IL31RA: variants seen among roughly 807,000 people sequenced by gnomAD.
The protein encoded by IL31RA is interleukin 31 receptor A.
In IL31RA, 66 loss-of-function variants were observed where a neutral mutation model predicts 83.7. The ratio of observed to expected loss-of-function variants is 0.79; its 90% CI spans 0.65 to 0.97. The LOEUF (loss-of-function observed/expected upper bound fraction) is 0.97, where lower values mean the gene tolerates loss of function less well. Ranked by LOEUF, IL31RA falls within the 50% of genes least tolerant of loss-of-function variation. The pLI is 0.00. For synonymous variants in IL31RA, 325 were observed against 329.0 expected (o/e 0.99, Z 0.13); for missense variants, 798 against 919.4 (o/e 0.87, Z 1.71).
At chr5:55,909,365 A>G (rs889575023) in intron 11 of IL31RA, among the ~76,000 whole-genome samples, 2 of 152,182 alleles carry the variant, frequency 1.3e-5, no homozygotes, top group Non-Finnish European at 2.9e-5. Flanking sequence ...TGCTACGAAC[A>G]TATGCTGCTG....
In IL31RA at chr5:55,882,150, C is replaced by T. The variant is rs75955723; in HGVS notation, c.455-894C>T. On this transcript the variant is annotated intron_variant, in intron 4 of 14. Transcript: ENST00000652347. ...AGCGTGACAATGGTCTGAGCATCAC[C>T]TGATGGTCACCTGACTTTCCTGGTG... Among the ~76,000 whole-genome samples the T allele has an allele frequency of 6.3e-3, 967 of 152,300 alleles. 12 individuals are homozygous for T. The highest frequency in any genetic ancestry group is 0.022 in the African/African-American group (923 of 41,568).
chr5:55,909,535 T>C (rs1458254159), intron 11 of IL31RA, among the ~76,000 whole-genome samples: 1 of 152,186 alleles, frequency 6.6e-6, no homozygotes, highest in Middle Eastern at 3.2e-3. Context: ...TTACTAGCAA[T>C]GTATGAGAGT....
At position 55,851,381 on chromosome 5, in the gene IL31RA, C is replaced by A. The variant is rs1283529642; in HGVS notation, c.-190C>A. ...CACAGCCTCCTTCTGCTTAGGAACACCAGACAGCACTCCAGCACTCTGCTT... is the reference window on the plus strand; with the variant it reads ...CACAGCCTCCTTCTGCTTAGGAACAACAGACAGCACTCCAGCACTCTGCTT... On this transcript the variant is annotated 5_prime_UTR_variant, in exon 1 of 15. Transcript: ENST00000652347. 2.2e-6 allele frequency: 2 copies of A among 922,594 alleles called. No individual in the cohort carries two copies. Among genetic ancestry groups the A allele is most frequent in the Non-Finnish European group, 3.3e-6 (2 of 606,404 alleles). The allele number at this position is 922,594 out of a possible 1,614,324, so 57.2% of individuals were successfully genotyped here. A position where few individuals can be genotyped will look rare whatever the true frequency, so the allele number is the denominator to read the frequency against.
At chr5:55,904,409 C>T (rs1037679924) in intron 8 of IL31RA, among the ~76,000 whole-genome samples, 5 of 152,162 alleles carry the variant, frequency 3.3e-5, no homozygotes, top group Non-Finnish European at 7.3e-5. Context: ...AAGGCTCCAG[C>T]AGGGACTTTC....
At chr5:55,863,970 A>C (rs6450354) in intron 2 of IL31RA, among the ~76,000 whole-genome samples, 1 of 152,014 alleles carries the variant, frequency 6.6e-6, no homozygotes, top group Non-Finnish European at 1.5e-5. Flanking sequence ...TTAGATCCAC[A>C]AGGATCTATT....
intron 1 of IL31RA, chr5:55,853,409 A>G: frequency 7.0e-7 from 1 of 1,420,924 alleles, no homozygotes; most frequent in Non-Finnish European, 9.2e-7. Flanking sequence ...AAAAGCTCGC[A>G]GACAATCAGA....
At chr5:55,864,154 A>C (rs1006750577) in intron 2 of IL31RA, among the ~76,000 whole-genome samples, 6 of 152,190 alleles carry the variant, frequency 3.9e-5, no homozygotes, top group African/African-American at 1.2e-4. Context: ...TCTCTGGCCA[A>C]GAATCAACTT....
In IL31RA at chr5:55,922,622, T is replaced by A. The variant is rs982238892; in HGVS notation, c.*5502T>A. On this transcript the variant is annotated 3_prime_UTR_variant, in exon 15 of 15. Coordinates refer to ENST00000652347, the MANE Select transcript of IL31RA (RefSeq NM_139017.7). Reference sequence around the variant, plus strand: ...GTAATGCATGTGCATGAGAAGTCTGTTATTAAGTAGAGTGTGAAAACATGG... The same window carrying A: ...GTAATGCATGTGCATGAGAAGTCTGATATTAAGTAGAGTGTGAAAACATGG... 2 of 567,286 alleles carry A rather than the reference T, an allele frequency of 3.5e-6. No individual in the cohort carries two copies. The highest frequency in any genetic ancestry group is 3.7e-5 in the African/African-American group (2 of 53,428). The allele number at this position is 567,286 out of a possible 1,614,324, so 35.1% of individuals were successfully genotyped here.
chr5:55,908,584 G>A, intron 11 of IL31RA, 173 bp downstream of exon 11: 1 of 1,552,664 alleles, frequency 6.4e-7, no homozygotes, highest in Non-Finnish European at 8.7e-7. Context: ...ACCTTTTGGG[G>A]TTTTGGGGGT....
chr5:55,887,533 A>G (rs1380122211), intron 5 of IL31RA, among the ~76,000 whole-genome samples: 1 of 152,164 alleles, frequency 6.6e-6, no homozygotes, highest in East Asian at 1.9e-4. Context: ...TGAGATCAGG[A>G]GTTAGGGACC....
At position 55,900,089 on chromosome 5, in the gene IL31RA, G is replaced by A. The variant is rs1748720417; in HGVS notation, c.1026G>A (p.Lys342=). The A allele has an allele frequency of 1.2e-6, 2 of 1,614,000 alleles. No individual in the cohort carries two copies. Among genetic ancestry groups the A allele is most frequent in the South Asian group, 1.1e-5 (1 of 91,086 alleles). Residue 342 remains lysine, a synonymous_variant, in exon 8 of 15, where the codon AAG becomes AAA. Coordinates refer to ENST00000652347, the MANE Select transcript of IL31RA (RefSeq NM_139017.7). ...VSMISYNSLG[K]SPVATLRIPA... is the part of the protein sequence containing the mutation. Reference sequence around the variant, plus strand: ...TGATTTCTTATAATTCTCTTGGGAAGTCTCCAGTGGCCACCCTGAGGATTC... The same window carrying A: ...TGATTTCTTATAATTCTCTTGGGAAATCTCCAGTGGCCACCCTGAGGATTC...
At chr5:55,893,384 C>T (rs773949337) in intron 6 of IL31RA, among the ~76,000 whole-genome samples, 1 of 152,222 alleles carries the variant, frequency 6.6e-6, no homozygotes, top group Non-Finnish European at 1.5e-5. Context: ...CTAGCAGGGG[C>T]ACCTGCACAT....
chr5:55,907,332 A>G, intron 9 of IL31RA, 27 bp from the exon 10 acceptor site: 2 of 1,462,638 alleles, frequency 1.4e-6, no homozygotes, highest in Non-Finnish European at 1.9e-6. Flanking sequence ...CTCTGCACTT[A>G]CACTTTTTTT....
chr5:55,841,699 T>G, the IL31RA span, among the ~76,000 whole-genome samples: 1 of 152,200 alleles, frequency 6.6e-6, no homozygotes, highest in African/African-American at 2.4e-5. Flanking sequence ...CACATTCCCA[T>G]GTGAGAGGAT....
At chr5:55,907,513 CA>C in intron 10 of IL31RA, 53 bp downstream of exon 10, 1 of 1,214,806 alleles carries the variant, frequency 8.2e-7, no homozygotes, top group Non-Finnish European at 1.2e-6. Flanking sequence ...ACCTGTCCCA[CA>C]TGCCGATAAG....
At chr5:55,909,544 G>A (rs1237531268) in intron 11 of IL31RA, among the ~76,000 whole-genome samples, 2 of 152,018 alleles carry the variant, frequency 1.3e-5, no homozygotes, top group African/African-American at 2.4e-5. Flanking sequence ...ATGTATGAGA[G>A]TTTTCATTTC....
At chr5:55,900,173 A>G (rs1395370887) in intron 8 of IL31RA, 41 bp downstream of exon 8, 2 of 1,425,092 alleles carry the variant, frequency 1.4e-6, no homozygotes, top group East Asian at 2.3e-5. Context: ...GCCTGGTCCC[A>G]TCAATTGGCC....
At chr5:55,904,305 G>A (rs1749001185) in intron 8 of IL31RA, among the ~76,000 whole-genome samples, 1 of 152,060 alleles carries the variant, frequency 6.6e-6, no homozygotes, top group African/African-American at 2.4e-5. Flanking sequence ...AGTCATCCCA[G>A]CCAAGCAAAA....
intron 8 of IL31RA, among the ~76,000 whole-genome samples, chr5:55,904,822 G>C (rs1019296413): frequency 8.1e-5 from 12 of 147,306 alleles, no homozygotes; most frequent in Non-Finnish European, 1.6e-4. Context: ...AGCTTCAAAA[G>C]ACTTTTGGGT....
Sources: gnomAD v4.1 joint callset for allele counts (sites outside exome capture counted in the v4.1 genomes callset) on GRCh38, gnomAD v4.1.1 for gene constraint, MANE v1.5 for transcripts, NCBI Gene and HGNC (gene_info 2026-07-23, HGNC 2026-07-21) for gene names.